The following FHIT variants were observed in gnomAD, a reference collection of about 807,000 sequenced individuals.
The protein encoded by FHIT is fragile histidine triad diadenosine triphosphatase.
In FHIT, 19 loss-of-function variants were observed where a neutral mutation model predicts 17.9. The observed-to-expected ratio is 1.06, with a 90% CI of 0.74 to 1.56. The LOEUF is 1.56. Ranked by LOEUF, FHIT falls within the 40% of genes most tolerant of loss-of-function variation. The probability of loss-of-function intolerance (pLI) is 0.00; values close to 1 mark genes in which losing one functional copy is unlikely to be tolerated. For synonymous variants in FHIT, 81 were observed against 69.7 expected, an observed-to-expected ratio of 1.16 and a Z score of -0.81; for missense variants, 248 against 189.2, an observed-to-expected ratio of 1.31 and a Z score of -1.82.
At chr3:60,641,278 C>T (rs1553685224) in intron 4 of FHIT, among the ~76,000 whole-genome samples, 1 of 152,076 alleles carries the variant, frequency 6.6e-6, no homozygotes, top group Non-Finnish European at 1.5e-5. Context: ...ATACTATTCT[C>T]TTGAGTTTTG....
intron 5 of FHIT, among the ~76,000 whole-genome samples, chr3:60,170,653 T>C (rs1023239466): frequency 1.3e-5 from 2 of 152,082 alleles, no homozygotes; most frequent in African/African-American, 4.8e-5. Flanking sequence ...CTTTTAAAAA[T>C]GAAAGAAAAT....
At chr3:59,834,689 T>C (rs911031262) in intron 8 of FHIT, among the ~76,000 whole-genome samples, 1 of 152,164 alleles carries the variant, frequency 6.6e-6, no homozygotes, top group Non-Finnish European at 1.5e-5. Context: ...AGGGGCCCTA[T>C]CCTCATGGCT....
chr3:60,528,789 C>T (rs1259903336), intron 5 of FHIT, among the ~76,000 whole-genome samples: 1 of 152,278 alleles, frequency 6.6e-6, no homozygotes, highest in African/African-American at 2.4e-5. Flanking sequence ...CCCTTGCGTG[C>T]TGCTCACCAC....
intron 3 of FHIT, among the ~76,000 whole-genome samples, chr3:60,993,902 G>C (rs2030459252): frequency 6.6e-6 from 1 of 152,018 alleles, no homozygotes; most frequent in African/African-American, 2.4e-5. Flanking sequence ...ATACACCTGG[G>C]CTGCCAGTGA....
intron 5 of FHIT, among the ~76,000 whole-genome samples, chr3:60,354,406 C>T (rs1241477075): frequency 1.3e-5 from 2 of 152,014 alleles, no homozygotes; most frequent in African/African-American, 2.4e-5. Context: ...TTCCTATACC[C>T]TGCTAAAAAC....
intron 5 of FHIT, among the ~76,000 whole-genome samples, chr3:60,473,675 T>A (rs534952290): frequency 6.6e-6 from 1 of 152,238 alleles, no homozygotes; most frequent in East Asian, 1.9e-4. Flanking sequence ...TCCTAGCACT[T>A]TGGGAGGCAA....
At chr3:59,785,865 A>G (rs561960661) in intron 8 of FHIT, among the ~76,000 whole-genome samples, 4 of 152,260 alleles carry the variant, frequency 2.6e-5, no homozygotes, top group Admixed American at 6.5e-5. Context: ...CTCTCATGCA[A>G]TCTTTGGAGT....
chr3:60,124,000 A>AGC (rs1705397794), intron 5 of FHIT, among the ~76,000 whole-genome samples: 2 of 69,982 alleles, frequency 2.9e-5, no homozygotes, highest in Non-Finnish European at 5.7e-5. Flanking sequence ...ATATATATAT[A>AGC]TATATATATA....
At chr3:60,384,291 T>C (rs1248108452) in intron 5 of FHIT, among the ~76,000 whole-genome samples, 4 of 151,166 alleles carry the variant, frequency 2.6e-5, no homozygotes, top group Non-Finnish European at 5.9e-5. Flanking sequence ...AAATTGGAGA[T>C]AATTTTTAAT....
At chr3:60,531,525 G>C (rs572274271) in intron 5 of FHIT, among the ~76,000 whole-genome samples, 1 of 152,032 alleles carries the variant, frequency 6.6e-6, no homozygotes, top group South Asian at 2.1e-4. Flanking sequence ...TGATCCGCCC[G>C]CCTCGGCCTC....
chr3:60,310,524 C>T (rs1455257070), intron 5 of FHIT, among the ~76,000 whole-genome samples: 1 of 151,670 alleles, frequency 6.6e-6, no homozygotes, highest in South Asian at 2.1e-4. Context: ...AGGAACAGAC[C>T]AAAAAGGCAC....
At chr3:60,253,223 C>A (rs894991406) in intron 5 of FHIT, among the ~76,000 whole-genome samples, 1 of 152,242 alleles carries the variant, frequency 6.6e-6, no homozygotes. Context: ...TTTTTACTTA[C>A]AATGAAGGCT....
At chr3:60,552,856 T>C (rs1163397804) in intron 4 of FHIT, among the ~76,000 whole-genome samples, 1 of 152,178 alleles carries the variant, frequency 6.6e-6, no homozygotes, top group Non-Finnish European at 1.5e-5. Context: ...GGGGCCAGTG[T>C]CTGTGTGAAA....
At chr3:60,610,898 C>G (rs559947056) in intron 4 of FHIT, among the ~76,000 whole-genome samples, 1 of 152,208 alleles carries the variant, frequency 6.6e-6, no homozygotes, top group South Asian at 2.1e-4. Context: ...AGCAGCAGGC[C>G]GACCCTGGCT....
intron 4 of FHIT, among the ~76,000 whole-genome samples, chr3:60,638,225 G>A (rs942184504): frequency 1.8e-4 from 27 of 152,222 alleles, no homozygotes; most frequent in African/African-American, 5.5e-4. Context: ...GTAACAACAC[G>A]ACATGGAGGG....
At chr3:59,828,854 T>TGTGTGC (rs1383964507) in intron 8 of FHIT, among the ~76,000 whole-genome samples, 1 of 151,488 alleles carries the variant, frequency 6.6e-6, no homozygotes, top group Admixed American at 6.6e-5. Context: ...TCTCTGTGTG[T>TGTGTGC]GTGTGTGTGT....
intron 8 of FHIT, among the ~76,000 whole-genome samples, chr3:59,827,428 T>C (rs936287463): frequency 3.9e-5 from 6 of 152,198 alleles, no homozygotes; most frequent in African/African-American, 1.2e-4. Flanking sequence ...TACTGTGGTA[T>C]AGGGCACCAG....
chr3:60,733,080 T>A (rs561640288), intron 4 of FHIT, among the ~76,000 whole-genome samples: 1 of 152,330 alleles, frequency 6.6e-6, no homozygotes, highest in Non-Finnish European at 1.5e-5. Context: ...TCTTTCAAAC[T>A]TTGCTGGACA....
At chr3:60,960,599 TGTGTGGCCCC>T (rs1553780466) in intron 3 of FHIT, among the ~76,000 whole-genome samples, 1 of 131,598 alleles carries the variant, frequency 7.6e-6, no homozygotes, top group Non-Finnish European at 1.7e-5. Flanking sequence ...CAGGCCCCGG[TGTGTGGCCCC>T]GGTGTGTGAT....
Sources: allele counts gnomAD v4.1 joint callset (sites outside exome capture counted in the v4.1 genomes callset), GRCh38; gene constraint gnomAD v4.1.1; transcripts MANE v1.5; gene names NCBI Gene and HGNC (gene_info 2026-07-23, HGNC 2026-07-21).